The following PRKCH variants were observed in gnomAD, a reference collection of about 807,000 sequenced individuals.
The protein encoded by PRKCH is protein kinase C eta.
A neutral mutation model predicts 82.5 loss-of-function variants in PRKCH; 28 were observed. The observed-to-expected ratio is 0.34, with a 90% confidence interval of 0.25 to 0.47. The LOEUF is 0.47. Ranked by LOEUF, PRKCH falls within the 20% of genes least tolerant of loss-of-function variation. PRKCH has a pLI of 1.00. For synonymous variants in PRKCH, 322 were observed against 327.4 expected (o/e 0.98, Z 0.18); for missense variants, 705 against 881.8 (o/e 0.80, Z 2.54).
intron 9 of PRKCH, among the ~76,000 whole-genome samples, chr14:61,471,039 T>A (rs1885479422): frequency 6.6e-6 from 1 of 151,954 alleles, no homozygotes; most frequent in Non-Finnish European, 1.5e-5. Flanking sequence ...TCTACAATCA[T>A]ATCTACCAGT....
intron 1 of PRKCH, among the ~76,000 whole-genome samples, chr14:61,271,284 C>G (rs2045151536): frequency 6.6e-6 from 1 of 152,144 alleles, no homozygotes. Flanking sequence ...GAATTTCTCT[C>G]TATTCTGTTC....
At chr14:61,390,409 G>A (rs1268027203) in intron 1 of PRKCH, among the ~76,000 whole-genome samples, 8 of 152,162 alleles carry the variant, frequency 5.3e-5, no homozygotes, top group Admixed American at 4.6e-4. Context: ...AGTGTCTCAC[G>A]CCTGTAATCC....
At chr14:61,339,935 T>C (rs887010293) in intron 1 of PRKCH, among the ~76,000 whole-genome samples, 2 of 151,940 alleles carry the variant, frequency 1.3e-5, no homozygotes, top group African/African-American at 2.4e-5. Flanking sequence ...TCCTCTTGAC[T>C]TGGCCTCCCA....
Position 61,345,014 on chromosome 14 carries a change from T to C in PRKCH, c.363+22550T>C, listed in dbSNP as rs1048367499. Among the ~76,000 whole-genome samples, 43 of 152,192 alleles carry C rather than the reference T, an allele frequency of 2.8e-4. 1 individual carries two copies. Among genetic ancestry groups the C allele is most frequent in the Non-Finnish European group, 2.9e-5 (2 of 68,034 alleles). ...ATTAGGCTGGCCAAGAGGGCTTCTT[T>C]CTGTTCCTGTCACAGTACTAGGCTG... On this transcript the variant is annotated intron_variant, in intron 1 of 13. Transcript: ENST00000332981.
chr14:61,245,689 G>A (rs2044874096), intron 1 of PRKCH, among the ~76,000 whole-genome samples: 1 of 97,276 alleles, frequency 1.0e-5, no homozygotes, highest in Admixed American at 1.0e-4. Context: ...CACAGAGTAG[G>A]CCGCAGAAGG....
intron 1 of PRKCH, among the ~76,000 whole-genome samples, chr14:61,199,137 CA>C (rs201854156): frequency 2.0e-5 from 3 of 151,302 alleles, no homozygotes; most frequent in South Asian, 4.2e-4. Context: ...TGAAACTTTC[CA>C]AAAAAAAGAG....
chr14:61,221,846 C>T (rs77749195), intron 1 of PRKCH, among the ~76,000 whole-genome samples: 224 of 152,324 alleles, frequency 1.5e-3, no homozygotes, highest in African/African-American at 5.0e-3. Flanking sequence ...TTCTAAAACA[C>T]TTGCCCAATG....
At chr14:61,440,711 TAA>T (rs918670494) in intron 2 of PRKCH, among the ~76,000 whole-genome samples, 2 of 151,926 alleles carry the variant, frequency 1.3e-5, no homozygotes, top group African/African-American at 4.8e-5. Context: ...CTGTCTCTAC[TAA>T]AAATACGAAA....
chr14:61,219,291 A>G (rs897558507), intron 1 of PRKCH, among the ~76,000 whole-genome samples: 4 of 152,246 alleles, frequency 2.6e-5, no homozygotes, highest in African/African-American at 9.6e-5. Context: ...TTTCATATAA[A>G]TAAGAAATCT....
At chr14:61,394,885 C>A (rs777074805) in intron 2 of PRKCH, among the ~76,000 whole-genome samples, 1 of 152,178 alleles carries the variant, frequency 6.6e-6, no homozygotes, top group Non-Finnish European at 1.5e-5. Flanking sequence ...TTGTCCCTTA[C>A]TGCAGCAAGA....
At chr14:61,332,821 G>A (rs1041455780) in intron 1 of PRKCH, among the ~76,000 whole-genome samples, 6 of 152,064 alleles carry the variant, frequency 3.9e-5, no homozygotes, top group African/African-American at 1.4e-4. Context: ...TCCACCTCTC[G>A]TGTCGCAAGC....
chr14:61,381,830 C>G (rs2046515170), intron 1 of PRKCH, among the ~76,000 whole-genome samples: 1 of 152,186 alleles, frequency 6.6e-6, no homozygotes, highest in Non-Finnish European at 1.5e-5. Flanking sequence ...GTGCCAGAAG[C>G]CAGGGCAGGC....
At chr14:61,335,223 A>G (rs993062541) in intron 1 of PRKCH, among the ~76,000 whole-genome samples, 1 of 152,078 alleles carries the variant, frequency 6.6e-6, no homozygotes, top group African/African-American at 2.4e-5. Context: ...GGTAGGGTAT[A>G]GTCTTGTTGG....
At chr14:61,397,802 A>G (rs11628921) in intron 2 of PRKCH, among the ~76,000 whole-genome samples, 135,275 of 152,234 alleles carry the variant, frequency 0.89, 62,299 homozygotes, top group East Asian at 1. Context: ...TGGTTTCTTC[A>G]AAGTTTGATG....
At chr14:61,312,012 TG>T (rs2045528930) in intron 1 of PRKCH, among the ~76,000 whole-genome samples, 1 of 152,116 alleles carries the variant, frequency 6.6e-6, no homozygotes, top group Non-Finnish European at 1.5e-5. Flanking sequence ...GGTTGACATG[TG>T]GGGATTAGAG....
chr14:61,407,044 T>C (rs1425477187), intron 2 of PRKCH, among the ~76,000 whole-genome samples: 1 of 152,122 alleles, frequency 6.6e-6, no homozygotes, highest in African/African-American at 2.4e-5. Flanking sequence ...TATTATGGGA[T>C]GTATCTGCTA....
chr14:61,506,188 G>C (rs1887139880), intron 10 of PRKCH, among the ~76,000 whole-genome samples: 1 of 152,168 alleles, frequency 6.6e-6, no homozygotes, highest in African/African-American at 2.4e-5. Flanking sequence ...GAAACATTGA[G>C]CTATTCCTAC....
At chr14:61,228,518 A>C (rs895792505) in intron 1 of PRKCH, among the ~76,000 whole-genome samples, 5 of 152,192 alleles carry the variant, frequency 3.3e-5, no homozygotes, top group African/African-American at 7.2e-5. Flanking sequence ...GGGAAACAGA[A>C]AAAGGAAGCA....
chr14:61,270,731 G>A (rs753179333), intron 1 of PRKCH, among the ~76,000 whole-genome samples: 3 of 152,220 alleles, frequency 2.0e-5, no homozygotes, highest in Non-Finnish European at 4.4e-5. Context: ...CCAGCACGTA[G>A]TGAGACTGAG....
Sources: gnomAD v4.1 joint callset for allele counts (sites outside exome capture counted in the v4.1 genomes callset) on GRCh38, gnomAD v4.1.1 for gene constraint, MANE v1.5 for transcripts, NCBI Gene and HGNC (gene_info 2026-07-23, HGNC 2026-07-21) for gene names.